SPHKAP: variants seen among roughly 807,000 people sequenced by gnomAD.
SPHKAP encodes SPHK1 interactor, AKAP domain containing.
Under a neutral mutation model 137.5 loss-of-function variants are expected in SPHKAP, and 67 were observed. The ratio of observed to expected loss-of-function variants is 0.49; its 90% CI spans 0.40 to 0.60. The LOEUF (loss-of-function observed/expected upper bound fraction) is 0.60, where lower values mean the gene tolerates loss of function less well. Among genes scored for constraint, SPHKAP ranks in the 20% least tolerant of loss-of-function variants. The pLI, the probability that SPHKAP is intolerant of heterozygous loss-of-function variation, is 0.00. For missense variants in SPHKAP, 2,097 were observed against 2,069.3 expected (o/e 1.01, Z -0.26); for synonymous variants, 813 against 785.3 (o/e 1.04, Z -0.59).
chr2:228,143,203 A>C (rs1699659135), intron 1 of SPHKAP, among the ~76,000 whole-genome samples: 1 of 152,190 alleles, frequency 6.6e-6, no homozygotes. Flanking sequence ...AGTTGGGTGC[A>C]AAATATTACA....
Position 228,116,403 on chromosome 2 carries a change from T to C in SPHKAP, c.139-7464A>G, listed in dbSNP as rs550701027. Among the ~76,000 whole-genome samples the C allele has an allele frequency of 2.0e-5, 3 of 152,254 alleles. No individual in the cohort carries two copies. In the South Asian group the frequency reaches 6.2e-4, roughly 32 times the overall value. On this transcript the variant is annotated intron_variant, in intron 2 of 11. Transcript: ENST00000392056. Reference sequence around the variant, plus strand: ...CACTTAACTTCTTTGAGACTCAGTTTTCCCGAAAATGAGAGTGGTATTTCT... The same window carrying C: ...CACTTAACTTCTTTGAGACTCAGTTCTCCCGAAAATGAGAGTGGTATTTCT...
At chr2:228,063,564 G>A (rs1453748745) in intron 3 of SPHKAP, among the ~76,000 whole-genome samples, 1 of 152,152 alleles carries the variant, frequency 6.6e-6, no homozygotes, top group Non-Finnish European at 1.5e-5. Flanking sequence ...TTGTTAAAAA[G>A]TTGTAACTGG....
Position 228,016,565 on chromosome 2 carries a change from T to C in SPHKAP, c.4289A>G (p.Gln1430Arg). The change falls in exon 7 of 12, where the codon CAG (glutamine) becomes CGG (arginine). Residue 1430 changes from glutamine to arginine, a missense_variant. Physicochemically the swap from Gln to Arg is conservative, Grantham distance 43. Transcript: ENST00000392056. ...SLCSREVPLI[Q>R]IETDQREACA... is the part of the protein sequence containing the mutation. ...GGCTTCTCTCTGATCTGTTTCAATCTGAATCAAAGGCACTTCCCTCGAGCA... is the reference window on the plus strand; with the variant it reads ...GGCTTCTCTCTGATCTGTTTCAATCCGAATCAAAGGCACTTCCCTCGAGCA... The C allele has an allele frequency of 6.2e-7, 1 of 1,614,122 alleles. No homozygotes were observed. The highest frequency in any genetic ancestry group is 8.5e-7 in the Non-Finnish European group (1 of 1,180,020).
rs1390681386 is a variant in SPHKAP, at chr2:228,132,098, C to CAAAACACA, written c.33-21_33-14dup. 6.2e-7 allele frequency: 1 copy of CAAAACACA among 1,605,436 alleles called. No homozygotes were observed. ...TGACTCCAAGTTGCTGTTTGTGACCCAAAACACAAAAACACATTCCAGTGA... is the reference window on the plus strand; with the variant it reads ...TGACTCCAAGTTGCTGTTTGTGACCCAAAACACAAAAACACAAAAACACATTCCAGTGA... On this transcript the variant is annotated splice_polypyrimidine_tract_variant and intron_variant, in intron 1 of 11. Transcript: ENST00000392056.
chr2:228,150,035 T>C (rs577979271), intron 1 of SPHKAP, among the ~76,000 whole-genome samples: 4 of 152,214 alleles, frequency 2.6e-5, no homozygotes, highest in Non-Finnish European at 4.4e-5. Context: ...TACAGGTTTC[T>C]GTAGATACTG....
chr2:228,032,901 C>T (rs929555645), intron 3 of SPHKAP, among the ~76,000 whole-genome samples: 5 of 152,184 alleles, frequency 3.3e-5, no homozygotes, highest in South Asian at 2.1e-4. Context: ...AAGGAACAAC[C>T]GGTACCTGCC....
chr2:228,079,148 G>A (rs571252790), intron 3 of SPHKAP, among the ~76,000 whole-genome samples: 2 of 152,354 alleles, frequency 1.3e-5, no homozygotes, highest in African/African-American at 2.4e-5. Flanking sequence ...GGATGAAACT[G>A]TTCCACCTCA....
intron 3 of SPHKAP, among the ~76,000 whole-genome samples, chr2:228,057,703 A>G (rs865922760): frequency 2.0e-5 from 3 of 152,188 alleles, no homozygotes; most frequent in African/African-American, 7.2e-5. Flanking sequence ...CATTTAAGAA[A>G]TTGAAAGAAA....
Position 227,991,093 on chromosome 2 carries a change from G to A in SPHKAP, c.4866C>T (p.Ala1622=), listed in dbSNP as rs566744245. 3.7e-5 allele frequency: 59 copies of A among 1,613,958 alleles called. 1 individual carries two copies. Among genetic ancestry groups the A allele is most frequent in the Middle Eastern group, 3.3e-4 (2 of 6,044 alleles). The change falls in exon 11 of 12, where the codon GCC becomes GCT. Residue 1622 remains alanine (A), a synonymous_variant. Transcript: ENST00000392056. ...TCCACTGCAGAGTGGCTCGGAGCTC[G>A]GCATCTGGACACTCTGGCTCCAGGT... ...NFDLEPECPD[A]ELRATLQWIA... is the part of the protein sequence containing the mutation.
chr2:228,109,783 T>G (rs1199828366), intron 2 of SPHKAP, among the ~76,000 whole-genome samples: 1 of 151,916 alleles, frequency 6.6e-6, no homozygotes, highest in Non-Finnish European at 1.5e-5. Context: ...CTGGCTAACA[T>G]GGTGGGACCT....
chr2:228,155,986 G>A (rs1700096834), intron 1 of SPHKAP, among the ~76,000 whole-genome samples: 1 of 152,178 alleles, frequency 6.6e-6, no homozygotes, highest in African/African-American at 2.4e-5. Flanking sequence ...CTTCTAGGCA[G>A]AGTGGAACTG....
At chr2:228,140,263 T>TA (rs35086647) in intron 1 of SPHKAP, among the ~76,000 whole-genome samples, 10,477 of 144,436 alleles carry the variant, frequency 0.073, 1,075 homozygotes, top group African/African-American at 0.23. Context: ...TATTTATTTC[T>TA]AAAAAAAAAA....
At chr2:228,154,761 A>G (rs1398635617) in intron 1 of SPHKAP, among the ~76,000 whole-genome samples, 3 of 136,266 alleles carry the variant, frequency 2.2e-5, no homozygotes, top group Non-Finnish European at 3.1e-5. Context: ...GGGTTTCACC[A>G]TGTTAGCCAG....
At chr2:228,054,869 A>AC (rs1440497050) in intron 3 of SPHKAP, among the ~76,000 whole-genome samples, 1 of 150,640 alleles carries the variant, frequency 6.6e-6, no homozygotes, top group Non-Finnish European at 1.5e-5. Context: ...TATGATATAA[A>AC]AAGTGGTTTG....
chr2:228,133,361 T>A (rs1372136489), intron 1 of SPHKAP, among the ~76,000 whole-genome samples: 1 of 151,672 alleles, frequency 6.6e-6, no homozygotes, highest in Admixed American at 6.6e-5. Context: ...TACTTCTACA[T>A]TTTCAACACG....
chr2:227,994,821 C>T (rs1299079578), intron 8 of SPHKAP, among the ~76,000 whole-genome samples: 1 of 152,164 alleles, frequency 6.6e-6, no homozygotes, highest in Non-Finnish European at 1.5e-5. Flanking sequence ...ACTAAACTCC[C>T]AGAAATAAAA....
intron 3 of SPHKAP, among the ~76,000 whole-genome samples, chr2:228,035,102 C>A (rs1194625651): frequency 6.7e-6 from 1 of 148,190 alleles, no homozygotes; most frequent in Non-Finnish European, 1.5e-5. Flanking sequence ...TCCCTGTTTG[C>A]AGATGACATG....
At chr2:228,119,192 G>A (rs1397047948) in intron 2 of SPHKAP, among the ~76,000 whole-genome samples, 2 of 152,058 alleles carry the variant, frequency 1.3e-5, no homozygotes, top group Non-Finnish European at 2.9e-5. Flanking sequence ...TGCCTGGTGT[G>A]TTTGAAGGAC....
chr2:228,140,169 T>C (rs747239360), intron 1 of SPHKAP, among the ~76,000 whole-genome samples: 1 of 151,452 alleles, frequency 6.6e-6, no homozygotes, highest in Admixed American at 6.6e-5. Flanking sequence ...CTGGTCTCGA[T>C]CTCCTGACCT....
Sources: gnomAD v4.1 joint callset for allele counts (sites outside exome capture counted in the v4.1 genomes callset) on GRCh38, gnomAD v4.1.1 for gene constraint, MANE v1.5 for transcripts, NCBI Gene and HGNC (gene_info 2026-07-23, HGNC 2026-07-21) for gene names.